GALNT13: variants seen among roughly 807,000 people sequenced by gnomAD.
GALNT13 encodes the protein UDP-GalNAc:polypeptide N-acetylgalactosaminyltransferase 13.
A neutral mutation model predicts 64.2 loss-of-function variants in GALNT13; 28 were observed. That is an observed-to-expected ratio of 0.44 (90% CI 0.32 to 0.60). The LOEUF is 0.60. GALNT13 is among the 20% of genes least tolerant of loss of function. The probability of loss-of-function intolerance (pLI) is 0.05; values close to 1 mark genes in which losing one functional copy is unlikely to be tolerated. For missense variants in GALNT13, 577 were observed against 669.8 expected, an observed-to-expected ratio of 0.86 and a Z score of 1.53; for synonymous variants, 214 against 224.6, an observed-to-expected ratio of 0.95 and a Z score of 0.42.
chr2:153,232,847 C>T, the GALNT13 span, among the ~76,000 whole-genome samples: 2 of 152,202 alleles, frequency 1.3e-5, no homozygotes, highest in Admixed American at 6.5e-5. Context: ...CTCAAGTTCT[C>T]ACCAGCTTAG....
the GALNT13 span, among the ~76,000 whole-genome samples, chr2:153,078,169 A>G: frequency 6.6e-6 from 1 of 151,918 alleles, no homozygotes; most frequent in Non-Finnish European, 1.5e-5. Context: ...TGTATAAATG[A>G]ATGCTGTGTA....
At chr2:153,177,904 A>G in the GALNT13 span, among the ~76,000 whole-genome samples, 7 of 152,192 alleles carry the variant, frequency 4.6e-5, no homozygotes, top group African/African-American at 1.2e-4. Flanking sequence ...GGTAACCACC[A>G]TTCTACTCGC....
In GALNT13 at chr2:154,351,918, T is replaced by A. The variant is rs77606496; in HGVS notation, c.1157-44073T>A. On this transcript the variant is annotated intron_variant, in intron 9 of 12. Coordinates refer to ENST00000392825, the MANE Select transcript of GALNT13 (RefSeq NM_052917.4). ...ATCAAGCATAGACTATAAAAACTTC[T>A]CCACAGGGTTCATTTTTCTTTGAAA... 7.7e-3 allele frequency among the ~76,000 whole-genome samples: 1,176 copies of A among 152,196 alleles called. 12 individuals are homozygous for A. The highest frequency in any genetic ancestry group is 0.027 in the African/African-American group (1,119 of 41,542).
At chr2:153,109,442 C>T in the GALNT13 span, among the ~76,000 whole-genome samples, 1 of 152,042 alleles carries the variant, frequency 6.6e-6, no homozygotes, top group Non-Finnish European at 1.5e-5. Context: ...CAGAACAGAC[C>T]CTTTCAGAGA....
chr2:153,737,768 C>T, the GALNT13 span, among the ~76,000 whole-genome samples: 1 of 152,006 alleles, frequency 6.6e-6, no homozygotes, highest in Non-Finnish European at 1.5e-5. Flanking sequence ...GTTACTTAAA[C>T]TACAGTTTCC....
At chr2:153,402,921 C>T in the GALNT13 span, among the ~76,000 whole-genome samples, 2 of 152,226 alleles carry the variant, frequency 1.3e-5, no homozygotes, top group Non-Finnish European at 2.9e-5. Flanking sequence ...GCCTTCTACT[C>T]TCAGCTCGTC....
At chr2:154,025,987 A>T (rs1416726486) in intron 3 of GALNT13, among the ~76,000 whole-genome samples, 1 of 152,166 alleles carries the variant, frequency 6.6e-6, no homozygotes. Context: ...GTGAAGGCTT[A>T]CTTGCCATTA....
the GALNT13 span, among the ~76,000 whole-genome samples, chr2:153,523,857 G>A: frequency 4.7e-4 from 71 of 152,270 alleles, no homozygotes; most frequent in African/African-American, 1.7e-3. Flanking sequence ...AGGCAGTGGT[G>A]AGATGACCTT....
At chr2:153,101,770 A>G in the GALNT13 span, among the ~76,000 whole-genome samples, 3 of 152,244 alleles carry the variant, frequency 2.0e-5, no homozygotes, top group Non-Finnish European at 4.4e-5. Flanking sequence ...TAGAGCTGTT[A>G]AAAACTGATG....
At chr2:154,120,608 T>C (rs1281287653) in intron 3 of GALNT13, among the ~76,000 whole-genome samples, 2 of 152,178 alleles carry the variant, frequency 1.3e-5, no homozygotes, top group African/African-American at 4.8e-5. Flanking sequence ...GCTTTTGTGC[T>C]GAGTGGAGCT....
At chr2:153,408,368 C>T in the GALNT13 span, among the ~76,000 whole-genome samples, 1 of 151,932 alleles carries the variant, frequency 6.6e-6, no homozygotes, top group Non-Finnish European at 1.5e-5. Flanking sequence ...GCTACACCAC[C>T]ACCAAGTTGA....
the GALNT13 span, among the ~76,000 whole-genome samples, chr2:153,415,111 T>TA: frequency 6.1e-3 from 926 of 151,956 alleles, 6 homozygotes; most frequent in African/African-American, 0.021. Context: ...AGCTACATGT[T>TA]AAAAAAAAGG....
the GALNT13 span, among the ~76,000 whole-genome samples, chr2:153,204,833 A>G: frequency 6.6e-6 from 1 of 152,152 alleles, no homozygotes; most frequent in African/African-American, 2.4e-5. Context: ...CTGGGAACTC[A>G]TTACACTGTT....
the GALNT13 span, among the ~76,000 whole-genome samples, chr2:153,405,228 A>T: frequency 1.3e-5 from 2 of 152,238 alleles, no homozygotes; most frequent in Non-Finnish European, 2.9e-5. Flanking sequence ...GAGTTTCTAA[A>T]TAAGGAGTCT....
chr2:153,800,664 C>T, the GALNT13 span, among the ~76,000 whole-genome samples: 1 of 152,160 alleles, frequency 6.6e-6, no homozygotes, highest in Admixed American at 6.5e-5. Flanking sequence ...AGCATCATCA[C>T]CAGTAGAACC....
the GALNT13 span, among the ~76,000 whole-genome samples, chr2:153,538,844 A>G: frequency 3.4e-5 from 1 of 29,618 alleles, no homozygotes; most frequent in East Asian, 8.2e-4. Context: ...TAATGCCGCA[A>G]TAAACATACG....
At chr2:153,255,522 C>G in the GALNT13 span, among the ~76,000 whole-genome samples, 1 of 151,212 alleles carries the variant, frequency 6.6e-6, no homozygotes, top group Non-Finnish European at 1.5e-5. Context: ...ATGATGTTAG[C>G]TGGTTATTTT....
intron 3 of GALNT13, among the ~76,000 whole-genome samples, chr2:154,086,755 T>C (rs1009941039): frequency 1.1e-4 from 16 of 148,322 alleles, no homozygotes; most frequent in African/African-American, 3.7e-4. Context: ...TTTTAAGTTA[T>C]ATGTTAGCAT....
At chr2:154,220,645 A>G (rs1688276006) in intron 4 of GALNT13, among the ~76,000 whole-genome samples, 1 of 152,176 alleles carries the variant, frequency 6.6e-6, no homozygotes, top group Non-Finnish European at 1.5e-5. Context: ...ATCTTGTACA[A>G]ATTTTTTTTA....
Sources: allele counts gnomAD v4.1 joint callset (sites outside exome capture counted in the v4.1 genomes callset), GRCh38; gene constraint gnomAD v4.1.1; transcripts MANE v1.5; gene names NCBI Gene and HGNC (gene_info 2026-07-23, HGNC 2026-07-21).